PRPF18: variants seen among roughly 807,000 people sequenced by gnomAD.
PRPF18 encodes the protein pre-mRNA-splicing factor 18.
In PRPF18, 38 loss-of-function variants were observed where a neutral mutation model predicts 46.5. That is an observed-to-expected ratio of 0.82 (90% CI 0.63 to 1.07). The LOEUF (loss-of-function observed/expected upper bound fraction) is 1.07. Among genes scored for constraint, PRPF18 ranks in the 50% least tolerant of loss-of-function variants. PRPF18 has a pLI of 0.00. For synonymous variants in PRPF18, 152 were observed against 146.7 expected (o/e 1.04, Z -0.26); for missense variants, 263 against 410.0 (o/e 0.64, Z 3.10).
chr10:13,601,889 A>G (rs2080115946), intron 3 of PRPF18, among the ~76,000 whole-genome samples: 1 of 152,236 alleles, frequency 6.6e-6, no homozygotes, highest in Non-Finnish European at 1.5e-5. Flanking sequence ...TTAGCTCTTT[A>G]CTGATGGATA....
At chr10:13,596,005 A>G (rs2080030520) in intron 1 of PRPF18, among the ~76,000 whole-genome samples, 1 of 152,302 alleles carries the variant, frequency 6.6e-6, no homozygotes, top group Admixed American at 6.5e-5. Context: ...CTCTTCTCAC[A>G]TTCGTATATT....
intron 1 of PRPF18, chr10:13,591,928 G>GTTT (rs79929794): frequency 9.7e-5 from 98 of 1,011,044 alleles, no homozygotes; most frequent in South Asian, 1.9e-4. Context: ...TCAACTGAGG[G>GTTT]TTTTTTTTTT....
At chr10:13,633,613 CAGA>C (rs1361636530), downstream of PRPF18, among the ~76,000 whole-genome samples, 1 of 152,136 alleles carries the variant, frequency 6.6e-6, no homozygotes, top group Non-Finnish European at 1.5e-5. Context: ...ATGCTTCACA[CAGA>C]AGGATGGTAG....
chr10:13,591,773 C>T (rs2079965205), intron 1 of PRPF18: 1 of 1,395,052 alleles, frequency 7.2e-7, no homozygotes, highest in African/African-American at 1.4e-5. Flanking sequence ...CATAGAGGAA[C>T]TCGATTGAGG....
chr10:13,596,158 G>A, intron 1 of PRPF18, among the ~76,000 whole-genome samples: 1 of 152,120 alleles, frequency 6.6e-6, no homozygotes, highest in Non-Finnish European at 1.5e-5. Context: ...TTCTCAACTT[G>A]GCTGATTTTT....
intron 3 of PRPF18, among the ~76,000 whole-genome samples, chr10:13,604,392 T>C (rs2080156475): frequency 1.3e-5 from 2 of 152,238 alleles, no homozygotes. Context: ...GTATGAACCA[T>C]GTTAGGGCAA....
intron 1 of PRPF18, among the ~76,000 whole-genome samples, chr10:13,590,048 A>G (rs114358085): frequency 0.017 from 2,524 of 152,190 alleles, 60 homozygotes; most frequent in African/African-American, 0.054. Flanking sequence ...CCCACCCTCA[A>G]GGTTCACAAC....
At chr10:13,596,841 A>G (rs1451325276) in intron 1 of PRPF18, among the ~76,000 whole-genome samples, 12 of 152,140 alleles carry the variant, frequency 7.9e-5, no homozygotes, top group Admixed American at 7.9e-4. Context: ...ACAGAGAGAT[A>G]CCCTGTCTCC....
downstream of PRPF18, among the ~76,000 whole-genome samples, chr10:13,633,277 C>T (rs940123828): frequency 6.6e-5 from 10 of 152,142 alleles, no homozygotes; most frequent in Non-Finnish European, 1.5e-4. Context: ...GGGCCCAGAG[C>T]GCTCAGTGAG....
chr10:13,623,200 CAAAA>C (rs936552341), intron 9 of PRPF18, among the ~76,000 whole-genome samples: 2 of 146,218 alleles, frequency 1.4e-5, no homozygotes, highest in African/African-American at 5.1e-5. Context: ...GACTCCGTCT[CAAAA>C]AAAGAAAAAA....
rs2080307035 is a variant in PRPF18, at chr10:13,614,094, C to T, written c.792+8C>T. 1 of 1,551,802 alleles carries T rather than the reference C, an allele frequency of 6.4e-7. No homozygotes were observed. The highest frequency in any genetic ancestry group is 1.2e-5 in the South Asian group (1 of 83,730). ...CAGAGAGAATACGTGAAGGTACATT[C>T]CCATGCTGTTCTTTGAAATTGTTAA... On this transcript the variant is annotated splice_region_variant and intron_variant, in intron 8 of 9. Transcript: ENST00000378572.
chr10:13,591,503 A>C, intron 1 of PRPF18: 2 of 703,430 alleles, frequency 2.8e-6, no homozygotes, highest in African/African-American at 1.8e-5. Flanking sequence ...CGGGGCAAAC[A>C]CAGATCGCAG....
chr10:13,598,723 G>A (rs548565000), intron 2 of PRPF18, among the ~76,000 whole-genome samples: 1 of 152,272 alleles, frequency 6.6e-6, no homozygotes, highest in African/African-American at 2.4e-5. Flanking sequence ...TGAGTAGATA[G>A]ATATTCAGAA....
chr10:13,650,364 G>A, the PRPF18 span, among the ~76,000 whole-genome samples: 2 of 152,144 alleles, frequency 1.3e-5, no homozygotes, highest in African/African-American at 4.8e-5. Context: ...AGGTGCTGTT[G>A]CTCAGTATAA....
At chr10:13,651,725 A>G in the PRPF18 span, 14,646 of 611,162 alleles carry the variant, frequency 0.024, 799 homozygotes, top group African/African-American at 0.14. Flanking sequence ...TAGGAATATC[A>G]TAATTTTGAT....
chr10:13,650,574 G>A, the PRPF18 span, among the ~76,000 whole-genome samples: 1 of 152,128 alleles, frequency 6.6e-6, no homozygotes, highest in African/African-American at 2.4e-5. Context: ...GGGAGAAAAA[G>A]GCCATTCTTC....
the PRPF18 span, chr10:13,638,938 C>T: frequency 2.6e-5 from 4 of 152,134 alleles, no homozygotes; most frequent in African/African-American, 7.2e-5. Context: ...GTTGGGTTTC[C>T]ATTATATTCT....
the PRPF18 span, chr10:13,638,119 G>A: frequency 6.6e-6 from 1 of 152,142 alleles, no homozygotes; most frequent in African/African-American, 2.4e-5. Flanking sequence ...AGAAGTCTGT[G>A]GGTGAGTGGG....
the PRPF18 span, chr10:13,639,364 G>A: frequency 0.54 from 81,270 of 151,888 alleles, 22,347 homozygotes; most frequent in East Asian, 0.75. Context: ...GAGAGAATTA[G>A]TCTCTCTTCT....
Sources: gnomAD v4.1 joint callset for allele counts (sites outside exome capture counted in the v4.1 genomes callset) on GRCh38, gnomAD v4.1.1 for gene constraint, MANE v1.5 for transcripts, NCBI Gene and HGNC (gene_info 2026-07-23, HGNC 2026-07-21) for gene names.